Variants in SORL1 observed in about 807,000 individuals in gnomAD.
The protein encoded by SORL1 is sortilin related receptor 1.
In SORL1, 127 loss-of-function variants were observed where a neutral mutation model predicts 273.7. The observed-to-expected ratio is 0.46, with a 90% CI of 0.40 to 0.54. The LOEUF is 0.54. Ranked by LOEUF, SORL1 falls within the 20% of genes least tolerant of loss-of-function variation. SORL1 has a pLI of 0.00. For missense variants in SORL1, 2,494 were observed against 2,846.1 expected (o/e 0.88, Z 2.81); for synonymous variants, 1,031 against 1,067.4 (o/e 0.97, Z 0.66).
At chr11:121,567,680 C>G (rs1862773898) in intron 22 of SORL1, among the ~76,000 whole-genome samples, 1 of 152,204 alleles carries the variant, frequency 6.6e-6, no homozygotes. Context: ...CCCACTCCCC[C>G]TCTGAATTTG....
At chr11:121,558,439 G>T in intron 19 of SORL1, 152 bp from the exon 20 acceptor site, 1 of 747,332 alleles carries the variant, frequency 1.3e-6, no homozygotes, top group Non-Finnish European at 2.2e-6. Flanking sequence ...AATTTAAGTA[G>T]TTTCAGGTGT....
intron 6 of SORL1, among the ~76,000 whole-genome samples, chr11:121,504,188 C>T (rs1030822141): frequency 7.9e-5 from 12 of 152,062 alleles, no homozygotes; most frequent in African/African-American, 2.2e-4. Flanking sequence ...CTGAGGTGGG[C>T]GGATCACGAG....
chr11:121,563,871 T>A lies in SORL1; in HGVS notation c.3050-3069T>A, dbSNP rs534132544. 6.6e-6 allele frequency among the ~76,000 whole-genome samples: 1 copy of A among 152,352 alleles called. No homozygotes were observed. Among genetic ancestry groups the A allele is most frequent in the East Asian group, 1.9e-4 (1 of 5,192 alleles). The stretch of plus-strand genomic sequence containing the variant: ...TCTCCTTTAGAGCCTGCAGTAAGTA[T>A]GTGCTTTTAAGTATCTATAATGAGG... On this transcript the variant is annotated intron_variant, in intron 21 of 47. Coordinates refer to ENST00000260197, the MANE Select transcript of SORL1 (RefSeq NM_003105.6). The surrounding 1 kb of genome is among the most constrained non-coding windows in gnomAD (Gnocchi z 4.2).
At position 121,554,106 on chromosome 11, in the gene SORL1, C is replaced by G. The variant is rs1299631310; in HGVS notation, c.2436C>G (p.Ile812Met). 1 of 1,613,556 alleles carries G rather than the reference C, an allele frequency of 6.2e-7. No individual in the cohort carries two copies. Among genetic ancestry groups the G allele is most frequent in the African/African-American group, 1.3e-5 (1 of 75,052 alleles). The change falls in exon 17 of 48, where the codon ATC (isoleucine) becomes ATG (methionine). Residue 812 changes from isoleucine (I) to methionine (M), a missense_variant. Coordinates refer to ENST00000260197, the MANE Select transcript of SORL1 (RefSeq NM_003105.6). The surrounding 1 kb of genome is among the most constrained non-coding windows in gnomAD (Gnocchi z 4.6). ...LYWSDLALDV[I>M]QRLCLNGSTG... ...GGTCCGACCTGGCCTTGGACGTCAT[C>G]CAGGTGAGTCAGCGCTTGGTCTGAC...
At position 121,481,720 on chromosome 11, in the gene SORL1, T is replaced by C. The variant is rs1239063634; in HGVS notation, c.528+3477T>C. 2.8e-3 allele frequency among the ~76,000 whole-genome samples: 178 copies of C among 64,610 alleles called. No homozygotes were observed. In the Middle Eastern group the frequency reaches 0.037, roughly 14 times the overall value. The allele number at this position is 64,610 out of a possible 152,430, so 42.4% of individuals were successfully genotyped here. On this transcript the variant is annotated intron_variant, in intron 3 of 47. Transcript: ENST00000260197. The stretch of plus-strand genomic sequence containing the variant: ...GTGCACAGATACCTATAGGCAGGCT[T>C]CATCTCCTCCTCCCCAGCTCCTCCC...
At position 121,567,027 on chromosome 11, in the gene SORL1, T is replaced by C; in HGVS notation, c.3137T>C (p.Val1046Ala). The C allele has an allele frequency of 6.2e-7, 1 of 1,614,226 alleles. No homozygotes were observed. The highest frequency in any genetic ancestry group is 8.5e-7 in the Non-Finnish European group (1 of 1,180,016). The change falls in exon 22 of 48, where the codon GTG becomes GCG. Residue 1046 changes from valine to alanine, a missense_variant. Around this residue, in one of 3 missense-constraint regions of SORL1, gnomAD observed 1,609 missense variants for 1,816.4 expected, o/e 0.89. Transcript: ENST00000260197. ...AGAAGCTGCAGGTGTCCAGAGGATGTGTCCAGCAGTGTGCTTCCATCAGGG... is the reference window on the plus strand; with the variant it reads ...AGAAGCTGCAGGTGTCCAGAGGATGCGTCCAGCAGTGTGCTTCCATCAGGG... ...NSRSCRCPED[V>A]SSSVLPSGDL...
intron 24 of SORL1, 175 bp from the exon 25 acceptor site, chr11:121,577,106 G>T: frequency 9.3e-7 from 1 of 1,079,160 alleles, no homozygotes; most frequent in South Asian, 1.4e-5. Context: ...GCAGCACACT[G>T]ACTGGAAGCT....
At position 121,554,780 on chromosome 11, in the gene SORL1, A is replaced by G. The variant is rs903527457; in HGVS notation, c.2440-407A>G. Among the ~76,000 whole-genome samples the G allele has an allele frequency of 1.6e-4, 24 of 152,204 alleles. No individual in the cohort carries two copies. The highest frequency in any genetic ancestry group is 1.5e-3 in the Admixed American group (23 of 15,282). The stretch of plus-strand genomic sequence containing the variant: ...GTCCAACAATAGCACTTGATGGCTA[A>G]GAGCCTCACAGGGAAGAAAGAGTAT... On this transcript the variant is annotated intron_variant, in intron 17 of 47. Transcript: ENST00000260197. The surrounding 1 kb of genome is among the most constrained non-coding windows in gnomAD (Gnocchi z 4.6).
intron 25 of SORL1, among the ~76,000 whole-genome samples, chr11:121,579,868 C>T (rs1862988827): frequency 6.6e-6 from 1 of 152,216 alleles, no homozygotes; most frequent in African/African-American, 2.4e-5. Context: ...CTATGAGTGG[C>T]AAACTCTTTC....
chr11:121,562,763 G>A (rs1228589468), intron 21 of SORL1, among the ~76,000 whole-genome samples: 2 of 151,994 alleles, frequency 1.3e-5, no homozygotes, highest in Non-Finnish European at 2.9e-5. Flanking sequence ...ACTTAATAAG[G>A]GAGGAAAAAA....
intron 11 of SORL1, among the ~76,000 whole-genome samples, chr11:121,526,289 G>T (rs570942614): frequency 2.0e-5 from 3 of 151,998 alleles, no homozygotes; most frequent in African/African-American, 7.3e-5. Context: ...GGCCAATTGG[G>T]TCTATTTCAG....
intron 32 of SORL1, among the ~76,000 whole-genome samples, chr11:121,603,909 C>T (rs1863429146): frequency 6.6e-6 from 1 of 152,206 alleles, no homozygotes; most frequent in Non-Finnish European, 1.5e-5. Flanking sequence ...CAACTGAACT[C>T]AGGTGATATT....
In SORL1 at chr11:121,528,669, G is replaced by A. The variant is rs541093984; in HGVS notation, c.1597-3795G>A. On this transcript the variant is annotated intron_variant, in intron 11 of 47. Transcript: ENST00000260197. Reference sequence around the variant, plus strand: ...AGTGTTATTTAATTTGCAGGTATTTGGGGGTTTCATAGATATCTTGTTATT... The same window carrying A: ...AGTGTTATTTAATTTGCAGGTATTTAGGGGTTTCATAGATATCTTGTTATT... 4.6e-5 allele frequency among the ~76,000 whole-genome samples: 7 copies of A among 152,236 alleles called. No individual in the cohort carries two copies. In the South Asian group the frequency reaches 1.5e-3, roughly 32 times the overall value.
Position 121,589,304 on chromosome 11 carries a change from A to G in SORL1, c.3992A>G (p.Gln1331Arg), listed in dbSNP as rs767488749. 1.2e-6 allele frequency: 2 copies of G among 1,613,802 alleles called. No homozygotes were observed. Among genetic ancestry groups the G allele is most frequent in the South Asian group, 1.1e-5 (1 of 91,090 alleles). The change falls in exon 29 of 48, where the codon CAG (glutamine) becomes CGG (arginine). Residue 1331 changes from glutamine to arginine, a missense_variant. By Grantham distance (43) the Gln-to-Arg change is conservative. Coordinates refer to ENST00000260197, the MANE Select transcript of SORL1 (RefSeq NM_003105.6). ...FHKVCDEFGF[Q>R]CQNGVCISLI... ...AAGGTATGTGATGAGTTCGGTTTCC[A>G]GTGTCAGAATGGAGTGTGCATCAGT... is the stretch of plus-strand genomic sequence containing the variant.
chr11:121,610,832 C>CT (rs913091151), intron 38 of SORL1: 3 of 398,960 alleles, frequency 7.5e-6, no homozygotes, highest in African/African-American at 6.2e-5. Context: ...ACTTTTCTGC[C>CT]TGACCTAATT....
rs1863903976 is a variant in SORL1, at chr11:121,633,480, C to G, written c.*3917C>G. 1 of 152,224 alleles carries G rather than the reference C, an allele frequency of 6.6e-6. No homozygotes were observed. Among genetic ancestry groups the G allele is most frequent in the Admixed American group, 6.5e-5 (1 of 15,282 alleles). 9.4% of individuals were successfully genotyped at this position (152,224 alleles called of 1,614,324 possible). Reference sequence around the variant, plus strand: ...CGGCAAAATAAAGGCCTATTCTACTCTTATTTAAAGTGAAACACTGTATAC... The same window carrying G: ...CGGCAAAATAAAGGCCTATTCTACTGTTATTTAAAGTGAAACACTGTATAC... On this transcript the variant is annotated 3_prime_UTR_variant, in exon 48 of 48. Transcript: ENST00000260197.
At chr11:121,594,657 G>T (rs547169292) in intron 31 of SORL1, among the ~76,000 whole-genome samples, 1 of 152,024 alleles carries the variant, frequency 6.6e-6, no homozygotes, top group Non-Finnish European at 1.5e-5. Context: ...TTTTCTTCTT[G>T]CAAAGCCTCT....
chr11:121,553,916 C>A (rs575857765), intron 16 of SORL1, 21 bp from the exon 17 acceptor site: 1 of 1,605,040 alleles, frequency 6.2e-7, no homozygotes, highest in African/African-American at 1.3e-5. Context: ...CAACCTCCCA[C>A]GTGTCTTGTG....
chr11:121,498,093 T>A (rs533508466), intron 6 of SORL1, among the ~76,000 whole-genome samples: 33 of 152,272 alleles, frequency 2.2e-4, no homozygotes, highest in African/African-American at 7.2e-4. Flanking sequence ...CCTTGCAAAA[T>A]GTTCTGAAAA....
Sources: gnomAD v4.1 joint callset for allele counts (sites outside exome capture counted in the v4.1 genomes callset) on GRCh38, gnomAD v4.1.1 for gene constraint, gnomAD v4.1.1 regional missense constraint, Gnocchi (gnomAD v3.1) non-coding constraint, MANE v1.5 for transcripts, NCBI Gene and HGNC (gene_info 2026-07-23, HGNC 2026-07-21) for gene names.